The following CYYR1 variants were observed in gnomAD, a reference collection of about 807,000 sequenced individuals.
CYYR1 encodes cysteine and tyrosine rich 1.
A neutral mutation model predicts 15.2 loss-of-function variants in CYYR1; 14 were observed. That is an observed-to-expected ratio of 0.92 (90% CI 0.61 to 1.44). The LOEUF is 1.44. CYYR1 is among the 40% of genes most tolerant of loss of function. The probability of loss-of-function intolerance (pLI) is 0.00; values close to 1 mark genes in which losing one functional copy is unlikely to be tolerated. For missense variants in CYYR1, 228 were observed against 209.5 expected (o/e 1.09, Z -0.54); for synonymous variants, 80 against 77.4 (o/e 1.03, Z -0.18).
intron 2 of CYYR1, among the ~76,000 whole-genome samples, chr21:26,544,915 C>A (rs1030508495): frequency 6.6e-6 from 1 of 151,954 alleles, no homozygotes; most frequent in Non-Finnish European, 1.5e-5. Context: ...CCACTGCCCT[C>A]CAGCCTGGGC....
At chr21:26,560,956 A>C (rs1980155477) in intron 2 of CYYR1, among the ~76,000 whole-genome samples, 1 of 152,232 alleles carries the variant, frequency 6.6e-6, no homozygotes, top group Admixed American at 6.5e-5. Flanking sequence ...TCCTTCCTCA[A>C]AACCAATTCT....
intron 2 of CYYR1, among the ~76,000 whole-genome samples, chr21:26,561,552 C>T (rs1022514713): frequency 1.3e-5 from 2 of 152,188 alleles, no homozygotes; most frequent in African/African-American, 2.4e-5. Flanking sequence ...GCGGGTAATA[C>T]ATCTTTCACA....
chr21:26,488,248 C>A (rs148444565), intron 2 of CYYR1, among the ~76,000 whole-genome samples: 48 of 139,290 alleles, frequency 3.4e-4, no homozygotes, highest in Non-Finnish European at 4.5e-4. Flanking sequence ...CTACTTCCTT[C>A]CTTCCTTCCT....
At chr21:26,555,237 T>C (rs1455743089) in intron 2 of CYYR1, among the ~76,000 whole-genome samples, 1 of 152,198 alleles carries the variant, frequency 6.6e-6, no homozygotes, top group Non-Finnish European at 1.5e-5. Flanking sequence ...TGAATATTAC[T>C]TGAGACTGCA....
At chr21:26,478,075 A>T in intron 3 of CYYR1, 1 of 1,549,594 alleles carries the variant, frequency 6.5e-7, no homozygotes, top group Non-Finnish European at 8.7e-7. Flanking sequence ...CTGGTCTTAC[A>T]TGCTTGGAAT....
chr21:26,468,487 T>C lies in CYYR1; in HGVS notation c.*14A>G. On this transcript the variant is annotated 3_prime_UTR_variant, in exon 4 of 4. Transcript: ENST00000652641. ...AGATCGCCCATTGGCACATGTTCTG[T>C]TCTGGGAGATAGATTATTTCCTTGC... The C allele has an allele frequency of 6.7e-7, 1 of 1,486,616 alleles. No individual in the cohort carries two copies. The highest frequency in any genetic ancestry group is 9.4e-7 in the Non-Finnish European group (1 of 1,063,528). 92.1% of individuals were successfully genotyped at this position (1,486,616 alleles called of 1,614,324 possible).
intron 3 of CYYR1, among the ~76,000 whole-genome samples, chr21:26,471,984 A>T (rs2065039933): frequency 6.6e-6 from 1 of 152,216 alleles, no homozygotes; most frequent in Non-Finnish European, 1.5e-5. Flanking sequence ...TTCTAAAGCT[A>T]ATGTGGTGGG....
intron 2 of CYYR1, among the ~76,000 whole-genome samples, chr21:26,558,561 C>T (rs1169619984): frequency 2.6e-5 from 4 of 152,122 alleles, no homozygotes; most frequent in African/African-American, 7.2e-5. Context: ...TTGCCCGGGA[C>T]CATCCAGGTT....
chr21:26,486,404 T>C (rs372605101), intron 2 of CYYR1, among the ~76,000 whole-genome samples: 1 of 152,062 alleles, frequency 6.6e-6, no homozygotes, highest in East Asian at 1.9e-4. Context: ...TTACATTTGA[T>C]ATTTAAACCT....
chr21:26,529,927 G>C (rs1275657659), intron 2 of CYYR1, among the ~76,000 whole-genome samples: 1 of 152,062 alleles, frequency 6.6e-6, no homozygotes, highest in East Asian at 1.9e-4. Context: ...TTATGTTATG[G>C]CTACCCATCC....
At chr21:26,511,324 T>C (rs574465688) in intron 2 of CYYR1, among the ~76,000 whole-genome samples, 1 of 152,304 alleles carries the variant, frequency 6.6e-6, no homozygotes, top group South Asian at 2.1e-4. Flanking sequence ...GATAAACCAG[T>C]TAGTACTTGG....
Position 26,555,322 on chromosome 21 carries a change from G to A in CYYR1, c.176+10944C>T, listed in dbSNP as rs8131219. 3.6e-3 allele frequency among the ~76,000 whole-genome samples: 544 copies of A among 152,170 alleles called. 4 individuals carry two copies. The highest frequency in any genetic ancestry group is 0.012 in the African/African-American group (510 of 41,528). On this transcript the variant is annotated intron_variant, in intron 2 of 3. Transcript: ENST00000652641. ...ATATTTCTATGTGTAATACTTCAGAGGCTGATCCTACATTATACCTGATGT... is the reference window on the plus strand; with the variant it reads ...ATATTTCTATGTGTAATACTTCAGAAGCTGATCCTACATTATACCTGATGT...
chr21:26,555,060 C>G (rs901281719), intron 2 of CYYR1, among the ~76,000 whole-genome samples: 5 of 152,142 alleles, frequency 3.3e-5, no homozygotes. Context: ...ATTAGGAGAT[C>G]TAAGTTCACA....
intron 2 of CYYR1, among the ~76,000 whole-genome samples, chr21:26,527,592 C>T (rs1444488015): frequency 6.6e-6 from 1 of 152,140 alleles, no homozygotes; most frequent in Non-Finnish European, 1.5e-5. Flanking sequence ...CTTATGTTGG[C>T]ATGAATATAC....
At chr21:26,496,149 A>T (rs1158574013) in intron 2 of CYYR1, among the ~76,000 whole-genome samples, 1 of 152,196 alleles carries the variant, frequency 6.6e-6, no homozygotes, top group African/African-American at 2.4e-5. Context: ...TGAGATCAAG[A>T]TATTGTTATA....
intron 2 of CYYR1, among the ~76,000 whole-genome samples, chr21:26,532,199 A>G (rs377076562): frequency 6.6e-6 from 1 of 152,310 alleles, no homozygotes; most frequent in East Asian, 1.9e-4. Flanking sequence ...TGATGATGAA[A>G]TAGCTGAAAT....
chr21:26,477,749 A>G (rs1356778767), intron 3 of CYYR1: 1 of 985,114 alleles, frequency 1.0e-6, no homozygotes, highest in Non-Finnish European at 1.2e-6. Context: ...CCTTCTCTAC[A>G]ATTAATGTCT....
chr21:26,521,693 G>A lies in CYYR1; in HGVS notation c.177-41264C>T, dbSNP rs149652613. On this transcript the variant is annotated intron_variant, in intron 2 of 3. Coordinates refer to ENST00000652641, the MANE Select transcript of CYYR1 (RefSeq NM_001320768.2). ...GTGAGCAAAACATTGTTTCATTTGG[G>A]TCATGGATACATGCTGTATATTCCA... Among the ~76,000 whole-genome samples the A allele has an allele frequency of 1.7e-3, 255 of 152,160 alleles. 2 individuals carry two copies. The highest frequency in any genetic ancestry group is 5.9e-3 in the African/African-American group (246 of 41,514).
chr21:26,540,550 A>G lies in CYYR1; in HGVS notation c.176+25716T>C, dbSNP rs138296815. ...TGCGGAAAATCTTAGGATGACCTCT[A>G]CACTATGCACGCATGGGGCATACTC... On this transcript the variant is annotated intron_variant, in intron 2 of 3. Coordinates refer to ENST00000652641, the MANE Select transcript of CYYR1 (RefSeq NM_001320768.2). Among the ~76,000 whole-genome samples the G allele has an allele frequency of 3.2e-3, 488 of 152,272 alleles. 2 individuals are homozygous for G. The highest frequency in any genetic ancestry group is 0.011 in the African/African-American group (466 of 41,570).
Sources: allele counts gnomAD v4.1 joint callset (sites outside exome capture counted in the v4.1 genomes callset), GRCh38; gene constraint gnomAD v4.1.1; transcripts MANE v1.5; gene names NCBI Gene and HGNC (gene_info 2026-07-23, HGNC 2026-07-21).